The following PPP2R3A variants were observed in gnomAD, a reference collection of about 807,000 sequenced individuals.
The protein encoded by PPP2R3A is protein phosphatase 2 regulatory subunit B''alpha.
In PPP2R3A, 80 loss-of-function variants were observed where a neutral mutation model predicts 106.9. The ratio of observed to expected loss-of-function variants is 0.75; its 90% CI spans 0.62 to 0.90. PPP2R3A has a LOEUF of 0.90. Ranked by LOEUF, PPP2R3A falls within the 40% of genes least tolerant of loss-of-function variation. The pLI is 0.00. For missense variants in PPP2R3A, 1,386 were observed against 1,350.4 expected (o/e 1.03, Z -0.41); for synonymous variants, 483 against 468.3 (o/e 1.03, Z -0.41).
intron 10 of PPP2R3A, among the ~76,000 whole-genome samples, chr3:136,091,763 A>C (rs1305446694): frequency 6.6e-6 from 1 of 152,240 alleles, no homozygotes; most frequent in Non-Finnish European, 1.5e-5. Context: ...AATGAGCAGA[A>C]GAAAAATAAA....
intron 8 of PPP2R3A, among the ~76,000 whole-genome samples, 193 bp downstream of exon 8, chr3:136,082,614 GAGA>G (rs1936812960): frequency 1.3e-5 from 2 of 152,174 alleles, no homozygotes. Flanking sequence ...CCAGATGTAG[GAGA>G]AGGAGTTTGG....
At chr3:136,070,900 A>G (rs1936409729) in intron 6 of PPP2R3A, among the ~76,000 whole-genome samples, 1 of 152,244 alleles carries the variant, frequency 6.6e-6, no homozygotes, top group Non-Finnish European at 1.5e-5. Flanking sequence ...CCAGAAAAAA[A>G]GATTGGTCTC....
rs550553025 is a variant in PPP2R3A, at chr3:136,106,535, C to G, written c.3329+213C>G. ...CTCATGTCCATTTCCTTTAATGAGT[C>G]TCATCTTTCACTGGAAACCGAGATC... On this transcript the variant is annotated intron_variant, in intron 13 of 13. Transcript: ENST00000264977. The G allele has an allele frequency of 3.6e-6, 2 of 548,104 alleles. 1 individual carries two copies. The highest frequency in any genetic ancestry group is 4.2e-5 in the South Asian group (2 of 47,588). The allele number at this position is 548,104 out of a possible 1,614,324, so 34.0% of individuals were successfully genotyped here.
At chr3:135,979,631 G>A (rs1466387416) in intron 1 of PPP2R3A, among the ~76,000 whole-genome samples, 1 of 151,752 alleles carries the variant, frequency 6.6e-6, no homozygotes, top group Non-Finnish European at 1.5e-5. Context: ...TTGTTGCTTT[G>A]GTTGTAAAAG....
chr3:136,010,768 A>C (rs2107800958), intron 2 of PPP2R3A, among the ~76,000 whole-genome samples: 2 of 152,082 alleles, frequency 1.3e-5, no homozygotes, highest in South Asian at 4.2e-4. Flanking sequence ...GGGCTTTATT[A>C]ATAGATACCA....
chr3:136,109,032 T>C (rs1416614648), intron 13 of PPP2R3A, among the ~76,000 whole-genome samples: 1 of 151,984 alleles, frequency 6.6e-6, no homozygotes, highest in Non-Finnish European at 1.5e-5. Context: ...AAAGAAATAA[T>C]AGTGAGCATT....
rs1936443250 is a variant in PPP2R3A at position 136,071,944 on chromosome 3, G to A, written c.2544+1392G>A. On this transcript the variant is annotated intron_variant, in intron 6 of 13. Transcript: ENST00000264977. ...CCTCACTTCATCCAGATATCTGCTC[G>A]GTTCCCTTATTTAGTGAGGCCCTCC... is the stretch of plus-strand genomic sequence containing the variant. 2.0e-5 allele frequency among the ~76,000 whole-genome samples: 3 copies of A among 151,914 alleles called. 1 individual carries two copies. Among genetic ancestry groups the A allele is most frequent in the South Asian group, 4.2e-4 (2 of 4,806 alleles).
At chr3:136,058,755 A>C (rs1935969761) in intron 5 of PPP2R3A, among the ~76,000 whole-genome samples, 1 of 152,106 alleles carries the variant, frequency 6.6e-6, no homozygotes, top group South Asian at 2.1e-4. Flanking sequence ...ATCTTCGAAC[A>C]ATGCTACAAG....
Position 136,082,278 on chromosome 3 carries a change from T to C in PPP2R3A, c.2645T>C (p.Leu882Ser), listed in dbSNP as rs1251776303. 1.3e-6 allele frequency: 2 copies of C among 1,585,924 alleles called. No homozygotes were observed. Among genetic ancestry groups the C allele is most frequent in the Non-Finnish European group, 1.7e-6 (2 of 1,154,842 alleles). Residue 882 changes from leucine (L) to serine (S), a missense_variant, in exon 8 of 14, where the codon TTG becomes TCG. Physicochemically the swap from Leu to Ser is moderately radical, Grantham distance 145. Transcript: ENST00000264977. ...KSNFLQTLAL[L>S]EEEEDINQIT... ...ATATAATTTCAGACCCTAGCACTTT[T>C]GGAAGAAGAGGAAGATATAAACCAA...
intron 13 of PPP2R3A, among the ~76,000 whole-genome samples, chr3:136,131,710 C>T (rs762159061): frequency 1.3e-5 from 2 of 152,172 alleles, no homozygotes; most frequent in Non-Finnish European, 2.9e-5. Flanking sequence ...CACATACACA[C>T]ATATAAACAT....
rs1559874394 is a variant in PPP2R3A at position 136,024,869 on chromosome 3, A to G, written c.1996-1963A>G. On this transcript the variant is annotated intron_variant, in intron 2 of 13. Transcript: ENST00000264977. Reference sequence around the variant, plus strand: ...TGCCTTACTTTAGAATTTTAAGAACACTTTGAAGAATAATAATAATTTATT... The same window carrying G: ...TGCCTTACTTTAGAATTTTAAGAACGCTTTGAAGAATAATAATAATTTATT... Among the ~76,000 whole-genome samples, 5 of 152,154 alleles carry G rather than the reference A, an allele frequency of 3.3e-5. No homozygotes were observed. The South Asian group carries it at 1.0e-3, about 32-fold the overall frequency.
intron 13 of PPP2R3A, among the ~76,000 whole-genome samples, chr3:136,127,287 G>A (rs1938217877): frequency 6.6e-6 from 1 of 152,156 alleles, no homozygotes; most frequent in African/African-American, 2.4e-5. Context: ...CAGACGAATG[G>A]CTAACTAGAA....
At chr3:136,103,407 G>T (rs1937430334) in intron 12 of PPP2R3A, 31 bp downstream of exon 12, 1 of 1,469,872 alleles carries the variant, frequency 6.8e-7, no homozygotes, top group Non-Finnish European at 9.5e-7. Context: ...TTTATTTGAG[G>T]GCTGCAGTGT....
intron 5 of PPP2R3A, 102 bp from the exon 6 acceptor site, chr3:136,070,376 A>G: frequency 1.3e-6 from 1 of 798,950 alleles, no homozygotes; most frequent in Non-Finnish European, 1.9e-6. Context: ...ATTATTGTAA[A>G]ATAGCAAGTT....
chr3:136,126,554 G>A (rs192634899), intron 13 of PPP2R3A, among the ~76,000 whole-genome samples: 76 of 152,322 alleles, frequency 5.0e-4, no homozygotes, highest in Non-Finnish European at 3.4e-4. Context: ...CCACCTCTAT[G>A]GGCAGGGCAT....
intron 10 of PPP2R3A, among the ~76,000 whole-genome samples, chr3:136,091,313 G>A (rs1195917353): frequency 6.6e-6 from 1 of 152,124 alleles, no homozygotes; most frequent in Admixed American, 6.6e-5. Flanking sequence ...GATTCGAAAA[G>A]TTATCTAAAT....
chr3:136,081,704 G>A (rs948822468), intron 7 of PPP2R3A, among the ~76,000 whole-genome samples: 11 of 152,206 alleles, frequency 7.2e-5, no homozygotes, highest in South Asian at 4.1e-4. Flanking sequence ...TTGCCGTAGG[G>A]GAGTACAGTG....
intron 2 of PPP2R3A, among the ~76,000 whole-genome samples, chr3:136,018,878 T>G (rs1934369122): frequency 6.6e-6 from 1 of 152,182 alleles, no homozygotes; most frequent in East Asian, 1.9e-4. Context: ...AAAGACTGTC[T>G]CCCTTGCCCA....
intron 5 of PPP2R3A, among the ~76,000 whole-genome samples, chr3:136,061,520 C>T (rs1323509224): frequency 1.3e-5 from 2 of 152,066 alleles, no homozygotes; most frequent in Non-Finnish European, 2.9e-5. Context: ...CCCAGCTAAT[C>T]GGGAGGCTGA....
Sources: gnomAD v4.1 joint callset for allele counts (sites outside exome capture counted in the v4.1 genomes callset) on GRCh38, gnomAD v4.1.1 for gene constraint, MANE v1.5 for transcripts, NCBI Gene and HGNC (gene_info 2026-07-23, HGNC 2026-07-21) for gene names.